PLCXD2: variants seen among roughly 807,000 people sequenced by gnomAD.
PLCXD2 encodes PI-PLC X domain-containing protein 2.
Under a neutral mutation model 28.6 loss-of-function variants are expected in PLCXD2, and 21 were observed. That is an observed-to-expected ratio of 0.73 (90% confidence interval 0.52 to 1.06). The LOEUF (loss-of-function observed/expected upper bound fraction) is 1.06. Ranked by LOEUF, PLCXD2 falls within the 50% of genes least tolerant of loss-of-function variation. The probability of loss-of-function intolerance (pLI) is 0.00; values close to 1 mark genes in which losing one functional copy is unlikely to be tolerated. For missense variants in PLCXD2, 369 were observed against 376.7 expected, an observed-to-expected ratio of 0.98 and a Z score of 0.17; for synonymous variants, 140 against 150.1, an observed-to-expected ratio of 0.93 and a Z score of 0.49.
At chr3:111,699,703 T>A (rs549485882) in intron 1 of PLCXD2, among the ~76,000 whole-genome samples, 31 of 152,308 alleles carry the variant, frequency 2.0e-4, no homozygotes, top group African/African-American at 7.2e-4. Flanking sequence ...CACAGGGACT[T>A]GATTCTGAGC....
chr3:111,678,374 G>T (rs1940656584), intron 1 of PLCXD2, among the ~76,000 whole-genome samples: 1 of 152,122 alleles, frequency 6.6e-6, no homozygotes, highest in Non-Finnish European at 1.5e-5. Flanking sequence ...ATAAAAGACA[G>T]ATTTTTAAAT....
At chr3:111,716,207 T>C (rs1941265284) in intron 3 of PLCXD2, among the ~76,000 whole-genome samples, 2 of 152,200 alleles carry the variant, frequency 1.3e-5, no homozygotes, top group Non-Finnish European at 2.9e-5. Context: ...ATAGCTCTGG[T>C]TGAGTTTGTT....
intron 1 of PLCXD2, among the ~76,000 whole-genome samples, chr3:111,687,680 CTTTCT>C (rs1170507548): frequency 7.6e-6 from 1 of 131,898 alleles, no homozygotes; most frequent in South Asian, 2.5e-4. Context: ...TTCTTTCTTT[CTTTCT>C]TTTTTTTTTT....
chr3:111,712,812 G>A (rs906614476), intron 2 of PLCXD2, among the ~76,000 whole-genome samples: 3 of 152,194 alleles, frequency 2.0e-5, no homozygotes, highest in African/African-American at 7.2e-5. Context: ...CTAGTGCCTG[G>A]GACAGGGAAA....
intron 1 of PLCXD2, among the ~76,000 whole-genome samples, chr3:111,683,273 T>C (rs553736573): frequency 6.6e-6 from 1 of 152,306 alleles, no homozygotes; most frequent in Non-Finnish European, 1.5e-5. Context: ...TCAGACAGCA[T>C]GGTGACCTTG....
chr3:111,724,597 G>A (rs892303783), intron 3 of PLCXD2: 3 of 152,310 alleles, frequency 2.0e-5, no homozygotes, highest in African/African-American at 7.2e-5. Flanking sequence ...CAGCTAGGAG[G>A]CTTAGCACAA....
At chr3:111,715,881 T>C (rs904615907) in intron 3 of PLCXD2, among the ~76,000 whole-genome samples, 3 of 152,240 alleles carry the variant, frequency 2.0e-5, no homozygotes. Flanking sequence ...TACCTGAATC[T>C]GGTAATATCT....
chr3:111,706,755 G>A (rs1021971058), intron 1 of PLCXD2, among the ~76,000 whole-genome samples: 1 of 149,548 alleles, frequency 6.7e-6, no homozygotes, highest in Non-Finnish European at 1.5e-5. Flanking sequence ...CCACACAAAC[G>A]GAAACCAAAA....
chr3:111,726,261 C>G (rs1443302486), intron 3 of PLCXD2: 1 of 164,998 alleles, frequency 6.1e-6, no homozygotes, highest in African/African-American at 2.4e-5. Context: ...TATGATAAGT[C>G]TTAGAACATG....
intron 1 of PLCXD2, among the ~76,000 whole-genome samples, chr3:111,681,848 A>G (rs1322195218): frequency 6.6e-6 from 1 of 152,194 alleles, no homozygotes; most frequent in Non-Finnish European, 1.5e-5. Context: ...TAGCTTCTAC[A>G]TCTCTCTCCT....
At chr3:111,701,858 G>A (rs1235746336) in intron 1 of PLCXD2, among the ~76,000 whole-genome samples, 1 of 152,204 alleles carries the variant, frequency 6.6e-6, no homozygotes, top group Non-Finnish European at 1.5e-5. Context: ...TTTCAAGTCT[G>A]AGTGACTGGG....
At chr3:111,688,629 T>G (rs909486073) in intron 1 of PLCXD2, among the ~76,000 whole-genome samples, 7 of 152,200 alleles carry the variant, frequency 4.6e-5, no homozygotes, top group Admixed American at 3.9e-4. Context: ...ATACTTTCCC[T>G]TATGGCCCAA....
rs1940598802 is a variant in PLCXD2 at position 111,675,070 on chromosome 3, G to A, written c.-176G>A. ...CGGAGGCTGGGCCGGAGAGAGTGGG[G>A]ACTGTGAGTGCTAGTGGGTAAGGAT... On this transcript the variant is annotated 5_prime_UTR_variant, in exon 1 of 5. Coordinates refer to ENST00000477665, the MANE Select transcript of PLCXD2 (RefSeq NM_001185106.1). The A allele has an allele frequency of 3.1e-6, 2 of 650,238 alleles. No homozygotes were observed. Among genetic ancestry groups the A allele is most frequent in the Non-Finnish European group, 2.6e-6 (1 of 379,532 alleles). The allele number at this position is 650,238 out of a possible 1,614,324, so 40.3% of individuals were successfully genotyped here.
chr3:111,702,350 T>C (rs1438413149), intron 1 of PLCXD2, among the ~76,000 whole-genome samples: 1 of 150,362 alleles, frequency 6.7e-6, no homozygotes, highest in South Asian at 2.1e-4. Flanking sequence ...GGAGAGAAAG[T>C]GGACTCAGAT....
chr3:111,682,142 G>A (rs144357376), intron 1 of PLCXD2, among the ~76,000 whole-genome samples: 2 of 152,324 alleles, frequency 1.3e-5, no homozygotes, highest in East Asian at 3.9e-4. Context: ...TTGTGGTTAA[G>A]CAGGAGTCCT....
At chr3:111,681,652 G>C (rs1940716792) in intron 1 of PLCXD2, among the ~76,000 whole-genome samples, 1 of 152,022 alleles carries the variant, frequency 6.6e-6, no homozygotes, top group Non-Finnish European at 1.5e-5. Context: ...AACCTCCACT[G>C]GGCCCAAATC....
At chr3:111,718,108 G>A (rs970256230) in intron 3 of PLCXD2, among the ~76,000 whole-genome samples, 5 of 151,798 alleles carry the variant, frequency 3.3e-5, no homozygotes, top group African/African-American at 1.2e-4. Flanking sequence ...CTCTTCAGGA[G>A]TCCCCGTTCA....
chr3:111,698,543 T>G (rs543155259), intron 1 of PLCXD2, among the ~76,000 whole-genome samples: 1 of 152,362 alleles, frequency 6.6e-6, no homozygotes, highest in Non-Finnish European at 1.5e-5. Flanking sequence ...AAAAATGATT[T>G]GTTGGTAGTC....
chr3:111,719,703 T>TG, intron 3 of PLCXD2, among the ~76,000 whole-genome samples: 1 of 152,016 alleles, frequency 6.6e-6, no homozygotes, highest in Middle Eastern at 3.4e-3. Flanking sequence ...TAATCTACAG[T>TG]GGAAAAAAAA....
Sources: gnomAD v4.1 joint callset for allele counts (sites outside exome capture counted in the v4.1 genomes callset) on GRCh38, gnomAD v4.1.1 for gene constraint, MANE v1.5 for transcripts, NCBI Gene and HGNC (gene_info 2026-07-23, HGNC 2026-07-21) for gene names.